The following NUP43 variants were observed in gnomAD, a reference collection of about 807,000 sequenced individuals.
NUP43 encodes the protein nucleoporin Nup43.
In NUP43, 32 loss-of-function variants were observed where a neutral mutation model predicts 47.3. The observed-to-expected ratio is 0.68, with a 90% CI of 0.51 to 0.91. The LOEUF (loss-of-function observed/expected upper bound fraction) is 0.91, where lower values mean the gene tolerates loss of function less well. Ranked by LOEUF, NUP43 falls within the 40% of genes least tolerant of loss-of-function variation. NUP43 has a pLI of 0.00. For missense variants in NUP43, 444 were observed against 453.9 expected, an observed-to-expected ratio of 0.98 and a Z score of 0.20; for synonymous variants, 147 against 158.4, an observed-to-expected ratio of 0.93 and a Z score of 0.54.
intron 7 of NUP43, among the ~76,000 whole-genome samples, chr6:149,731,197 G>C (rs1785020844): frequency 6.6e-6 from 1 of 152,084 alleles, no homozygotes; most frequent in African/African-American, 2.4e-5. Context: ...TTGAACCTGA[G>C]AGGCAGAGGT....
chr6:149,731,903 A>C (rs1785064396), intron 6 of NUP43, among the ~76,000 whole-genome samples, 168 bp from the exon 7 acceptor site: 1 of 152,224 alleles, frequency 6.6e-6, no homozygotes, highest in African/African-American at 2.4e-5. Context: ...GACATAATGT[A>C]ACTTTCCAAT....
chr6:149,730,219 G>C (rs1437456103), intron 7 of NUP43, among the ~76,000 whole-genome samples: 2 of 151,576 alleles, frequency 1.3e-5, no homozygotes. Flanking sequence ...ATGTTGGTCA[G>C]GCTGGTCTCG....
chr6:149,747,992 A>C (rs1009302473), upstream of NUP43, among the ~76,000 whole-genome samples: 11 of 152,248 alleles, frequency 7.2e-5, no homozygotes, highest in Non-Finnish European at 1.5e-4. Context: ...CCAAATCAAC[A>C]ATTTTATTCA....
At chr6:149,743,755 T>C (rs1176975556) in intron 2 of NUP43, 40 bp from the exon 3 acceptor site, 6 of 1,277,704 alleles carry the variant, frequency 4.7e-6, no homozygotes, top group South Asian at 3.7e-5. Flanking sequence ...TTCAGAAATA[T>C]TAGCAGGGAG....
chr6:149,745,873 G>A (rs894639239), intron 2 of NUP43, 67 bp downstream of exon 2: 2 of 1,422,694 alleles, frequency 1.4e-6, no homozygotes, highest in African/African-American at 1.4e-5. Context: ...CTTTTATGAT[G>A]CTCTGCTTGT....
At chr6:149,741,321 G>A (rs1209208279) in intron 4 of NUP43, among the ~76,000 whole-genome samples, 2 of 151,752 alleles carry the variant, frequency 1.3e-5, no homozygotes, top group Non-Finnish European at 2.9e-5. Flanking sequence ...TTACAGGCCT[G>A]TGCCACCATG....
rs1200346321 is a variant in NUP43 at position 149,725,797 on chromosome 6, CATT to C, written c.*1169_*1171del. On this transcript the variant is annotated 3_prime_UTR_variant, in exon 8 of 8. Coordinates refer to ENST00000340413, the MANE Select transcript of NUP43 (RefSeq NM_198887.3). The stretch of plus-strand genomic sequence containing the variant: ...ATTATCTTAAAACACTACATTAGTT[CATT>C]ATTATCCCTGCAGACAAGGATAAAG... 3 of 152,098 alleles carry C rather than the reference CATT, an allele frequency of 2.0e-5. No individual in the cohort carries two copies. 9.4% of individuals were successfully genotyped at this position (152,098 alleles called of 1,614,324 possible). A position where few individuals can be genotyped will look rare whatever the true frequency, so the allele number is the denominator to read the frequency against.
At chr6:149,746,659 A>G, upstream of NUP43, 2 of 1,562,378 alleles carry the variant, frequency 1.3e-6, no homozygotes, top group South Asian at 1.2e-5. Flanking sequence ...GTCAGTACCT[A>G]GACTGAGAGG....
intron 6 of NUP43, 70 bp downstream of exon 6, chr6:149,736,401 A>AG (rs1785359911): frequency 9.2e-6 from 10 of 1,087,072 alleles, no homozygotes; most frequent in Non-Finnish European, 1.3e-5. Context: ...ATGTATCATT[A>AG]TGGAAAGGTG....
chr6:149,730,170 C>T (rs1239126078), intron 7 of NUP43, among the ~76,000 whole-genome samples: 3 of 152,044 alleles, frequency 2.0e-5, no homozygotes, highest in South Asian at 2.1e-4. Flanking sequence ...CCACCACACC[C>T]GGCTAATTTT....
Position 149,736,537 on chromosome 6 carries a change from A to G in NUP43, c.724T>C (p.Leu242=). Residue 242 remains leucine (L), a synonymous_variant, in exon 6 of 8, where the codon TTG becomes CTG. Coordinates refer to ENST00000340413, the MANE Select transcript of NUP43 (RefSeq NM_198887.3). Reference sequence around the variant, plus strand: ...CCTTGTCTAACATCCCAAATACTCAACATTCCATCTTGGCCACCAGTAGCT... The same window carrying G: ...CCTTGTCTAACATCCCAAATACTCAGCATTCCATCTTGGCCACCAGTAGCT... ...VVATGGQDGM[L]SIWDVRQGTM... 1.2e-6 allele frequency: 2 copies of G among 1,612,070 alleles called. No homozygotes were observed. The highest frequency in any genetic ancestry group is 1.7e-6 in the Non-Finnish European group (2 of 1,178,316).
chr6:149,745,817 T>C (rs1785958755), intron 2 of NUP43, 123 bp downstream of exon 2: 2 of 786,714 alleles, frequency 2.5e-6, no homozygotes, highest in Non-Finnish European at 2.0e-6. Flanking sequence ...AAATCATAAC[T>C]TACAGAGCAC....
intron 7 of NUP43, chr6:149,727,558 A>G (rs1784846059): frequency 2.1e-6 from 2 of 956,708 alleles, no homozygotes; most frequent in African/African-American, 3.5e-5. Flanking sequence ...TGTAGGTAAT[A>G]CATGGAAATA....
At chr6:149,746,284 C>A (rs1785994372) in intron 1 of NUP43, 92 bp downstream of exon 1, 2 of 1,544,022 alleles carry the variant, frequency 1.3e-6, no homozygotes, top group Non-Finnish European at 1.8e-6. Context: ...GCGAGAAGAA[C>A]CAGAAGGTGG....
chr6:149,728,419 T>G, intron 7 of NUP43: 1 of 984,732 alleles, frequency 1.0e-6, no homozygotes, highest in Non-Finnish European at 1.2e-6. Context: ...TCTCTGTAGA[T>G]GAAGTTATAG....
intron 7 of NUP43, among the ~76,000 whole-genome samples, chr6:149,729,070 A>G (rs1381637436): frequency 6.6e-6 from 1 of 151,774 alleles, no homozygotes; most frequent in Non-Finnish European, 1.5e-5. Flanking sequence ...GGCTCACTGC[A>G]ACCTCCAACT....
intron 6 of NUP43, among the ~76,000 whole-genome samples, chr6:149,734,716 T>C (rs1785229538): frequency 6.8e-6 from 1 of 147,662 alleles, no homozygotes; most frequent in Non-Finnish European, 1.5e-5. Flanking sequence ...AAGAATGGCT[T>C]GAACCCAGGA....
chr6:149,744,639 C>G (rs967108734), intron 2 of NUP43, among the ~76,000 whole-genome samples: 1 of 151,904 alleles, frequency 6.6e-6, no homozygotes, highest in Non-Finnish European at 1.5e-5. Flanking sequence ...AGTTCAAGAC[C>G]AGCCTGGCCA....
rs1393513618 is a variant in NUP43, at chr6:149,726,785, G to A, written c.*184C>T. The A allele has an allele frequency of 1.0e-5, 6 of 589,836 alleles. No individual in the cohort carries two copies. Among genetic ancestry groups the A allele is most frequent in the African/African-American group, 1.9e-5 (1 of 53,544 alleles). The allele number at this position is 589,836 out of a possible 1,614,324, so 36.5% of individuals were successfully genotyped here. A position where few individuals can be genotyped will look rare whatever the true frequency, so the allele number is the denominator to read the frequency against. On this transcript the variant is annotated 3_prime_UTR_variant, in exon 8 of 8. Transcript: ENST00000340413. ...AATCTTTTGCCATCAGTCATCTATC[G>A]GATTCTACAACTGTTTGGGAGTGTC...
Sources: allele counts gnomAD v4.1 joint callset (sites outside exome capture counted in the v4.1 genomes callset), GRCh38; gene constraint gnomAD v4.1.1; transcripts MANE v1.5; gene names NCBI Gene and HGNC (gene_info 2026-07-23, HGNC 2026-07-21).